ASIC2: variants seen among roughly 807,000 people sequenced by gnomAD.
The protein encoded by ASIC2 is acid-sensing ion channel 2.
A neutral mutation model predicts 57.3 loss-of-function variants in ASIC2; 25 were observed. The ratio of observed to expected loss-of-function variants is 0.44; its 90% CI spans 0.32 to 0.61. The LOEUF is 0.61. Ranked by LOEUF, ASIC2 falls within the 20% of genes least tolerant of loss-of-function variation. ASIC2 has a pLI of 0.06. For missense variants in ASIC2, 641 were observed against 738.1 expected (o/e 0.87, Z 1.52); for synonymous variants, 319 against 307.5 (o/e 1.04, Z -0.39).
At chr17:33,494,985 T>G (rs1913881969) in intron 1 of ASIC2, among the ~76,000 whole-genome samples, 1 of 152,196 alleles carries the variant, frequency 6.6e-6, no homozygotes, top group Non-Finnish European at 1.5e-5. Flanking sequence ...ACTAAGTGAT[T>G]CCTAAGTCTG....
intron 1 of ASIC2, among the ~76,000 whole-genome samples, chr17:33,686,687 C>T (rs1379342560): frequency 2.0e-5 from 3 of 152,194 alleles, no homozygotes; most frequent in African/African-American, 7.2e-5. Context: ...GCTGGGATCA[C>T]CTCCCAAACA....
chr17:33,163,456 A>G (rs1274855922), intron 1 of ASIC2, among the ~76,000 whole-genome samples: 1 of 151,758 alleles, frequency 6.6e-6, no homozygotes, highest in Non-Finnish European at 1.5e-5. Flanking sequence ...CATGAGGCTG[A>G]CCCCTTACCC....
At chr17:34,083,967 T>C (rs1909997078) in intron 1 of ASIC2, among the ~76,000 whole-genome samples, 1 of 152,214 alleles carries the variant, frequency 6.6e-6, no homozygotes, top group South Asian at 2.1e-4. Flanking sequence ...TCCCATTCTG[T>C]AGGTTGCCTG....
chr17:33,450,834 A>G (rs548817807), intron 1 of ASIC2, among the ~76,000 whole-genome samples: 2 of 152,230 alleles, frequency 1.3e-5, no homozygotes, highest in East Asian at 3.9e-4. Context: ...GGGCAATCTC[A>G]TCAGCTTTCA....
At chr17:33,576,324 G>A (rs778908448) in intron 1 of ASIC2, among the ~76,000 whole-genome samples, 9 of 152,244 alleles carry the variant, frequency 5.9e-5, no homozygotes, top group Non-Finnish European at 1.2e-4. Context: ...TCAGCTCTAT[G>A]ACCTCATGCA....
chr17:33,972,790 G>T (rs1905259012), intron 1 of ASIC2, among the ~76,000 whole-genome samples: 2 of 152,240 alleles, frequency 1.3e-5, no homozygotes, highest in South Asian at 4.1e-4. Flanking sequence ...ACAAGCTTTA[G>T]GTCTCATAAC....
At chr17:33,881,671 A>C (rs1317173477) in intron 1 of ASIC2, among the ~76,000 whole-genome samples, 2 of 152,354 alleles carry the variant, frequency 1.3e-5, no homozygotes, top group Non-Finnish European at 2.9e-5. Context: ...AATATCGTGA[A>C]AATGGCCATA....
intron 1 of ASIC2, among the ~76,000 whole-genome samples, chr17:33,489,679 T>C (rs1432677743): frequency 2.0e-5 from 3 of 152,240 alleles, no homozygotes; most frequent in African/African-American, 7.2e-5. Flanking sequence ...AAACTAGATT[T>C]GCTCTACCTG....
chr17:34,098,561 T>G lies in ASIC2; in HGVS notation c.555+57417A>C, dbSNP rs987734399. On this transcript the variant is annotated intron_variant, in intron 1 of 9. Coordinates refer to the ASIC2 transcript ENST00000359872. The stretch of plus-strand genomic sequence containing the variant: ...AGACAAGTTACTCACAGGCTGGTGA[T>G]GCTTTTTCCCAGAAAAATCCCCTAA... Among the ~76,000 whole-genome samples the G allele has an allele frequency of 2.0e-5, 3 of 152,196 alleles. No individual in the cohort carries two copies. In the South Asian group the frequency reaches 6.2e-4, roughly 32 times the overall value.
chr17:33,233,870 C>T (rs943196189), intron 1 of ASIC2, among the ~76,000 whole-genome samples: 7 of 152,112 alleles, frequency 4.6e-5, no homozygotes, highest in African/African-American at 1.7e-4. Context: ...ACCTCCGGTG[C>T]ACACGCTTAC....
intron 1 of ASIC2, among the ~76,000 whole-genome samples, chr17:33,466,814 C>T (rs1912881161): frequency 6.6e-6 from 1 of 152,064 alleles, no homozygotes; most frequent in Non-Finnish European, 1.5e-5. Flanking sequence ...AAACTGGATC[C>T]CTTCCTTACA....
At chr17:33,937,885 A>T (rs947461238) in intron 1 of ASIC2, among the ~76,000 whole-genome samples, 7 of 152,154 alleles carry the variant, frequency 4.6e-5, no homozygotes, top group Admixed American at 3.9e-4. Context: ...GCAGATGATG[A>T]CTTTTAGGGC....
intron 1 of ASIC2, among the ~76,000 whole-genome samples, chr17:33,143,355 T>C (rs1904408509): frequency 6.6e-6 from 1 of 152,250 alleles, no homozygotes; most frequent in African/African-American, 2.4e-5. Flanking sequence ...TGATGAAAAG[T>C]AATTATTACA....
chr17:33,834,615 A>G (rs1292856770), intron 1 of ASIC2: 1 of 152,226 alleles, frequency 6.6e-6, no homozygotes, highest in Non-Finnish European at 1.5e-5. Context: ...GAAGAAGGGA[A>G]AAAGGGAGTG....
intron 1 of ASIC2, among the ~76,000 whole-genome samples, chr17:33,726,934 T>C (rs977812988): frequency 3.9e-5 from 6 of 152,218 alleles, no homozygotes; most frequent in African/African-American, 1.4e-4. Flanking sequence ...GTAGAATAAG[T>C]AAATATTACA....
At chr17:33,374,627 G>T (rs1306960137) in intron 1 of ASIC2, among the ~76,000 whole-genome samples, 1 of 152,170 alleles carries the variant, frequency 6.6e-6, no homozygotes. Flanking sequence ...AATTGATTTT[G>T]TCTGTGCAGT....
chr17:33,905,141 CTTTT>C (rs57064859), intron 1 of ASIC2, among the ~76,000 whole-genome samples: 57 of 87,854 alleles, frequency 6.5e-4, no homozygotes, highest in African/African-American at 2.1e-3. Flanking sequence ...TAGTTTAAGG[CTTTT>C]TTTTTTTTTT....
At chr17:33,298,280 G>A (rs1344911890), upstream of ASIC2, among the ~76,000 whole-genome samples, 5 of 151,594 alleles carry the variant, frequency 3.3e-5, no homozygotes, top group Non-Finnish European at 7.4e-5. Flanking sequence ...CCCACCCCAC[G>A]ACAAGCCCTT....
At chr17:33,610,596 T>A (rs1307967172) in intron 1 of ASIC2, among the ~76,000 whole-genome samples, 1 of 151,974 alleles carries the variant, frequency 6.6e-6, no homozygotes, top group African/African-American at 2.4e-5. Flanking sequence ...ATACAAATGA[T>A]GCCTAGCCTG....
Sources: allele counts gnomAD v4.1 joint callset (sites outside exome capture counted in the v4.1 genomes callset), GRCh38; gene constraint gnomAD v4.1.1; transcripts MANE v1.5; gene names NCBI Gene and HGNC (gene_info 2026-07-23, HGNC 2026-07-21).